Variants in ZNHIT3 observed in about 807,000 individuals in gnomAD.
The protein encoded by ZNHIT3 is zinc finger HIT-type containing 3.
A neutral mutation model predicts 19.9 loss-of-function variants in ZNHIT3; 27 were observed. The ratio of observed to expected loss-of-function variants is 1.36; its 90% confidence interval spans 1.00 to 1.87. The LOEUF (loss-of-function observed/expected upper bound fraction) is 1.87, where lower values mean the gene tolerates loss of function less well. Among genes scored for constraint, ZNHIT3 ranks in the 40% most tolerant of loss-of-function variants. The pLI is 0.00. For missense variants in ZNHIT3, 215 were observed against 185.6 expected, an observed-to-expected ratio of 1.16 and a Z score of -0.92; for synonymous variants, 81 against 65.7, an observed-to-expected ratio of 1.23 and a Z score of -1.13.
downstream of ZNHIT3, among the ~76,000 whole-genome samples, chr17:36,496,936 G>A (rs961045731): frequency 3.9e-5 from 6 of 152,114 alleles, no homozygotes; most frequent in East Asian, 1.2e-3. Context: ...ACCTTTCCTC[G>A]GCCACTTTAA....
At chr17:36,495,946 G>A (rs774430248), downstream of ZNHIT3, 16 of 995,244 alleles carry the variant, frequency 1.6e-5, no homozygotes, top group South Asian at 4.7e-5. Flanking sequence ...GATCCCCAGT[G>A]TAGTGACAGA....
In ZNHIT3 at chr17:36,495,304, A is replaced by AAG; in HGVS notation, c.369_370dup (p.Ala124GlufsTer5). 6.2e-7 allele frequency: 1 copy of AAG among 1,613,936 alleles called. No individual in the cohort carries two copies. ...GTCAACCTCGATCAGGGAGAAGACA[A>AAG]AGCAAAGCTCATGAGAGCTTACATG... is the stretch of plus-strand genomic sequence containing the variant. On this transcript the variant is annotated frameshift_variant, in exon 5 of 5. Transcript: ENST00000617429. LOFTEE classifies it high-confidence loss of function.
chr17:36,498,744 T>G (rs1479954077), downstream of ZNHIT3: 4 of 640,480 alleles, frequency 6.2e-6, 1 homozygote, highest in African/African-American at 3.7e-5. Context: ...CCCAGGCAAC[T>G]GTGCTTAGGC....
chr17:36,487,193 G>A (rs908734725), intron 2 of ZNHIT3, among the ~76,000 whole-genome samples: 1 of 152,116 alleles, frequency 6.6e-6, no homozygotes, highest in African/African-American at 2.4e-5. Flanking sequence ...GTTTTGGTCA[G>A]TAGCCTTTCT....
chr17:36,486,819 G>A (rs770851325), intron 1 of ZNHIT3, 34 bp downstream of exon 1: 67 of 1,607,024 alleles, frequency 4.2e-5, no homozygotes, highest in Admixed American at 1.0e-4. Flanking sequence ...CAGGGGCGCG[G>A]GTGTCCGGCC....
At chr17:36,493,318 A>G (rs2070769775) in intron 3 of ZNHIT3, 1 of 220,262 alleles carries the variant, frequency 4.5e-6, no homozygotes, top group Non-Finnish European at 9.0e-6. Flanking sequence ...AGCTCACAGC[A>G]GTAGTGGGCT....
At chr17:36,497,716 C>G (rs1301655931), downstream of ZNHIT3, 2 of 208,814 alleles carry the variant, frequency 9.6e-6, no homozygotes, top group Admixed American at 1.3e-4. Context: ...TCCCGAGCAG[C>G]TGGGACTACA....
chr17:36,495,064 A>G (rs978745867), intron 4 of ZNHIT3, among the ~76,000 whole-genome samples, 159 bp from the exon 5 acceptor site: 27 of 152,110 alleles, frequency 1.8e-4, no homozygotes, highest in Non-Finnish European at 3.7e-4. Context: ...AGCTCAAGCA[A>G]TCTGCCCACC....
At chr17:36,498,838 A>C, downstream of ZNHIT3, 3 of 592,624 alleles carry the variant, frequency 5.1e-6, no homozygotes, top group South Asian at 4.1e-5. Context: ...TAAAGTGTAC[A>C]TCCCAGAGTT....
At chr17:36,487,048 C>T (rs2142509043) in intron 2 of ZNHIT3, 82 bp downstream of exon 2, 2 of 1,550,196 alleles carry the variant, frequency 1.3e-6, no homozygotes, top group Non-Finnish European at 1.7e-6. Flanking sequence ...GGGCGTGGAC[C>T]CTTGGGCTGC....
chr17:36,492,427 G>A (rs769573006), intron 2 of ZNHIT3: 6 of 189,118 alleles, frequency 3.2e-5, no homozygotes, highest in South Asian at 1.4e-4. Flanking sequence ...GATTACAGGC[G>A]TGAGCCAGCA....
chr17:36,498,334 G>A (rs778312949), downstream of ZNHIT3: 10 of 1,613,994 alleles, frequency 6.2e-6, no homozygotes, highest in Admixed American at 1.2e-4. Context: ...TAGCTACTGG[G>A]GCTGCCCCTG....
At chr17:36,498,446 T>G, downstream of ZNHIT3, 1 of 1,613,986 alleles carries the variant, frequency 6.2e-7, no homozygotes, top group South Asian at 1.1e-5. Context: ...GGCGGATTAT[T>G]GCCTCCAGGA....
downstream of ZNHIT3, chr17:36,497,637 T>G (rs1454527238): frequency 9.6e-6 from 7 of 732,920 alleles, no homozygotes; most frequent in Non-Finnish European, 1.2e-5. Flanking sequence ...CAGGCTGGAG[T>G]GCAGCGGCGC....
downstream of ZNHIT3, chr17:36,498,781 TAA>T (rs1299111572): frequency 6.7e-6 from 4 of 601,190 alleles, no homozygotes; most frequent in East Asian, 1.1e-4. Flanking sequence ...GAAAACAAGA[TAA>T]GAGTCCATCA....
At chr17:36,490,501 C>T (rs186431875) in intron 2 of ZNHIT3, 12 of 152,180 alleles carry the variant, frequency 7.9e-5, no homozygotes, top group Admixed American at 5.9e-4. Context: ...TAGTATATTT[C>T]GAGGCCAAGT....
At chr17:36,498,130 G>T, downstream of ZNHIT3, 1 of 883,236 alleles carries the variant, frequency 1.1e-6, no homozygotes, top group African/African-American at 1.7e-5. Flanking sequence ...ATTGGGACAT[G>T]CAGCCCTCTG....
chr17:36,486,928 G>C lies in ZNHIT3; in HGVS notation c.87-7G>C. 1 of 1,610,780 alleles carries C rather than the reference G, an allele frequency of 6.2e-7. No individual in the cohort carries two copies. The highest frequency in any genetic ancestry group is 8.5e-7 in the Non-Finnish European group (1 of 1,179,298). ...GCTGACGCGGCCTGTGGCCTCTGTT[G>C]TTACAGCTGCTCGGTAGTCTGCTTC... On this transcript the variant is annotated splice_polypyrimidine_tract_variant and splice_region_variant and intron_variant, in intron 1 of 4. Transcript: ENST00000617429.
At chr17:36,491,899 A>G (rs190434221) in intron 2 of ZNHIT3, 5 of 152,314 alleles carry the variant, frequency 3.3e-5, no homozygotes, top group East Asian at 3.9e-4. Flanking sequence ...GTGGACCCCA[A>G]TGGACAAGTT....
Sources: gnomAD v4.1 joint callset for allele counts (sites outside exome capture counted in the v4.1 genomes callset) on GRCh38, gnomAD v4.1.1 for gene constraint, MANE v1.5 for transcripts, NCBI Gene and HGNC (gene_info 2026-07-23, HGNC 2026-07-21) for gene names.